USH2A: variants seen among roughly 807,000 people sequenced by gnomAD.
The protein encoded by USH2A is Usher syndrome 2A (autosomal recessive, mild).
USH2A carries 443 observed loss-of-function variants against 538.9 expected under a neutral mutation model. The observed-to-expected ratio is 0.82, with a 90% CI of 0.76 to 0.89. The LOEUF (loss-of-function observed/expected upper bound fraction) is 0.89, where lower values mean the gene tolerates loss of function less well. Among genes scored for constraint, USH2A ranks in the 40% least tolerant of loss-of-function variants. The pLI is 0.00. For missense variants in USH2A, 6,633 were observed against 6,324.8 expected (o/e 1.05, Z -1.65); for synonymous variants, 2,413 against 2,273.5 (o/e 1.06, Z -1.75).
intron 69 of USH2A, among the ~76,000 whole-genome samples, chr1:215,635,801 G>T (rs1198442706): frequency 6.6e-6 from 1 of 152,110 alleles, no homozygotes; most frequent in Non-Finnish European, 1.5e-5. Context: ...TGATCCGCCT[G>T]CCTCGGCCTT....
rs1475619223 is a variant in USH2A, at chr1:216,207,273, T to G, written c.3316A>C (p.Ser1106Arg). The G allele has an allele frequency of 6.2e-7, 1 of 1,613,958 alleles. No homozygotes were observed. The highest frequency in any genetic ancestry group is 2.2e-5 in the East Asian group (1 of 44,826). Reference sequence around the variant, plus strand: ...TCTATTACCAAACCCTTAAACTCACTGTATGGGTATTGATCCTCTGTTGTG... The same window carrying G: ...TCTATTACCAAACCCTTAAACTCACGGTATGGGTATTGATCCTCTGTTGTG... ...IYTTEDQYPY[S>R]IQYFLDTDLL... Residue 1106 changes from serine to arginine, a missense_variant and splice_region_variant, in exon 16 of 72, where the codon AGT (serine) becomes CGT (arginine). Coordinates refer to ENST00000307340, the MANE Select transcript of USH2A (RefSeq NM_206933.4).
chr1:216,369,628 A>C (rs536135766), intron 3 of USH2A, among the ~76,000 whole-genome samples: 2 of 152,160 alleles, frequency 1.3e-5, no homozygotes, highest in Non-Finnish European at 2.9e-5. Context: ...AAAAGCTAGT[A>C]TGGGCCGGGC....
chr1:216,234,382 C>A (rs781182896), intron 13 of USH2A, among the ~76,000 whole-genome samples: 32 of 152,112 alleles, frequency 2.1e-4, no homozygotes, highest in Non-Finnish European at 4.7e-4. Context: ...TAATTTACAG[C>A]CAGGTTACGC....
Position 215,741,430 on chromosome 1 carries a change from T to C in USH2A, c.11656A>G (p.Lys3886Glu). Reference sequence around the variant, plus strand: ...TTTGGTTTTTCAGGTGGCATCCACTTAATCTCTATGCAAGCTGACCCCAGT... The same window carrying C: ...TTTGGTTTTTCAGGTGGCATCCACTCAATCTCTATGCAAGCTGACCCCAGT... Reference protein sequence around the residue: ...KALGSACIEIKWMPPEKPNGI... With the variant: ...KALGSACIEIEWMPPEKPNGI... The change falls in exon 60 of 72, where the codon AAG (lysine) becomes GAG (glutamate). Residue 3886 changes from lysine to glutamate, a missense_variant. By Grantham distance (56) the Lys-to-Glu change is moderately conservative. Transcript: ENST00000307340. 6.2e-7 allele frequency: 1 copy of C among 1,614,070 alleles called. No homozygotes were observed. Among genetic ancestry groups the C allele is most frequent in the Non-Finnish European group, 8.5e-7 (1 of 1,180,008 alleles).
intron 3 of USH2A, among the ~76,000 whole-genome samples, chr1:216,392,657 G>A (rs1256949095): frequency 2.6e-5 from 4 of 151,812 alleles, no homozygotes; most frequent in African/African-American, 7.3e-5. Context: ...ATACAATGCT[G>A]TTTTTTTAAA....
chr1:215,762,738 C>T lies in USH2A; in HGVS notation c.11048-2895G>A, dbSNP rs1571660966. The stretch of plus-strand genomic sequence containing the variant: ...CTCTGGCCTAAGTCTCAGGTGAAAC[C>T]AGAAAAACCTATTCTATATAATAAG... On this transcript the variant is annotated intron_variant, in intron 56 of 71. Coordinates refer to ENST00000307340, the MANE Select transcript of USH2A (RefSeq NM_206933.4). Among the ~76,000 whole-genome samples the T allele has an allele frequency of 2.6e-5, 4 of 152,080 alleles. No individual in the cohort carries two copies. The South Asian group carries it at 6.2e-4, about 24-fold the overall frequency.
At chr1:215,808,186 C>T (rs573199832) in intron 49 of USH2A, among the ~76,000 whole-genome samples, 1 of 152,144 alleles carries the variant, frequency 6.6e-6, no homozygotes, top group East Asian at 1.9e-4. Flanking sequence ...GACATTTTTG[C>T]TTTCTTTTAA....
At chr1:216,326,018 TC>T (rs1200261300) in intron 5 of USH2A, among the ~76,000 whole-genome samples, 1 of 152,196 alleles carries the variant, frequency 6.6e-6, no homozygotes, top group African/African-American at 2.4e-5. Flanking sequence ...TTTCAGTTCA[TC>T]CATGGGAAAG....
chr1:216,046,450 C>T lies in USH2A; in HGVS notation c.6306G>A (p.Glu2102=), dbSNP rs1349575922. 4 of 1,613,244 alleles carry T rather than the reference C, an allele frequency of 2.5e-6. No individual in the cohort carries two copies. Among genetic ancestry groups the T allele is most frequent in the East Asian group, 2.2e-5 (1 of 44,844 alleles). ...MDGRLIYSGS[E]ENYIVTDLAV... The stretch of plus-strand genomic sequence containing the variant: ...TCTTACCTGTGACTATGTAGTTCTC[C>T]TCACTGCCTGAATAGATCAGCCTCC... The change falls in exon 32 of 72, where the codon GAG becomes GAA. Residue 2102 remains glutamate (E), a synonymous_variant. Transcript: ENST00000307340.
intron 30 of USH2A, among the ~76,000 whole-genome samples, chr1:216,060,325 C>G (rs2031133586): frequency 6.6e-6 from 1 of 152,084 alleles, no homozygotes; most frequent in South Asian, 2.1e-4. Flanking sequence ...TTGAGAGTCA[C>G]TAATTATTAC....
chr1:216,359,207 C>G (rs1558053390), intron 4 of USH2A, among the ~76,000 whole-genome samples: 1 of 152,000 alleles, frequency 6.6e-6, no homozygotes, highest in Non-Finnish European at 1.5e-5. Context: ...GTAATACGGT[C>G]TTCATATTTT....
rs10864227 is a variant in USH2A, at chr1:216,048,379, C to T, written c.6163+155G>A. Among the ~76,000 whole-genome samples, 56,197 of 151,912 alleles carry T rather than the reference C, an allele frequency of 0.37. 11,715 individuals are homozygous for T. The highest frequency in any genetic ancestry group is 0.49 in the East Asian group (2,515 of 5,146). On this transcript the variant is annotated intron_variant, in intron 31 of 71. Transcript: ENST00000307340. The stretch of plus-strand genomic sequence containing the variant: ...ATGGAGTTTGATTCATTTTCGCACC[C>T]CCCCAAAAAATGGAGCAATTATGGC...
intron 21 of USH2A, among the ~76,000 whole-genome samples, chr1:216,151,233 A>G (rs1466343015): frequency 6.6e-6 from 1 of 152,098 alleles, no homozygotes; most frequent in Non-Finnish European, 1.5e-5. Flanking sequence ...GAGTCTGGGT[A>G]CAAGACACCC....
chr1:216,407,257 G>C lies in USH2A; in HGVS notation c.651+11257C>G, dbSNP rs189232025. On this transcript the variant is annotated intron_variant, in intron 3 of 71. Transcript: ENST00000307340. ...AGAAGTATGTCATGTAATCATTAGA[G>C]AGCAGAATGAAATTGCTGTCTAACA... 5.5e-3 allele frequency among the ~76,000 whole-genome samples: 837 copies of C among 152,186 alleles called. 7 individuals are homozygous for C. Among genetic ancestry groups the C allele is most frequent in the Admixed American group, 7.5e-3 (115 of 15,252 alleles).
chr1:215,795,151 C>T (rs953719709), intron 50 of USH2A, among the ~76,000 whole-genome samples: 12 of 152,196 alleles, frequency 7.9e-5, no homozygotes, highest in African/African-American at 2.9e-4. Context: ...TTTGCCTACT[C>T]AGATTTATCT....
At position 216,056,810 on chromosome 1, in the gene USH2A, G is replaced by GAA. The variant is rs201300812; in HGVS notation, c.6050-8164_6050-8163insTT. Among the ~76,000 whole-genome samples the GAA allele has an allele frequency of 5.1e-3, 782 of 152,178 alleles. 4 individuals are homozygous for GAA. The highest frequency in any genetic ancestry group is 0.017 in the African/African-American group (724 of 41,506). On this transcript the variant is annotated intron_variant, in intron 30 of 71. Coordinates refer to ENST00000307340, the MANE Select transcript of USH2A (RefSeq NM_206933.4). ...TGTGTGTGTGTGTGTGTGTGAGAGA[G>GAA]AGAGATTGGGTTCAATATTGGACCT...
At chr1:216,283,581 T>A (rs577718700) in intron 11 of USH2A, among the ~76,000 whole-genome samples, 1 of 152,336 alleles carries the variant, frequency 6.6e-6, no homozygotes, top group South Asian at 2.1e-4. Flanking sequence ...GAAAAAAGCA[T>A]CCAGTTTCTC....
intron 4 of USH2A, among the ~76,000 whole-genome samples, chr1:216,337,991 G>A (rs1199180349): frequency 6.6e-6 from 1 of 150,628 alleles, no homozygotes; most frequent in African/African-American, 2.4e-5. Flanking sequence ...TTTATTTATA[G>A]AAATTTACTA....
intron 14 of USH2A, among the ~76,000 whole-genome samples, chr1:216,230,913 C>T (rs899543621): frequency 1.3e-5 from 2 of 151,614 alleles, no homozygotes; most frequent in African/African-American, 2.4e-5. Context: ...CACACACACA[C>T]ACACAGACAC....
Sources: gnomAD v4.1 joint callset for allele counts (sites outside exome capture counted in the v4.1 genomes callset) on GRCh38, gnomAD v4.1.1 for gene constraint, MANE v1.5 for transcripts, NCBI Gene and HGNC (gene_info 2026-07-23, HGNC 2026-07-21) for gene names.